The following SOX6 variants were observed in gnomAD, a reference collection of about 807,000 sequenced individuals.
The protein encoded by SOX6 is SRY-box transcription factor 6.
A neutral mutation model predicts 97.8 loss-of-function variants in SOX6; 11 were observed. The observed-to-expected ratio is 0.11, with a 90% CI of 0.07 to 0.19. SOX6 has a LOEUF of 0.19. Ranked by LOEUF, SOX6 falls within the 10% of genes least tolerant of loss-of-function variation. The pLI, the probability that SOX6 is intolerant of heterozygous loss-of-function variation, is 1.00. For missense variants in SOX6, 810 were observed against 1,039.5 expected (o/e 0.78, Z 3.04); for synonymous variants, 360 against 371.4 (o/e 0.97, Z 0.35).
chr11:16,557,926 G>A (rs987028716), intron 4 of SOX6, among the ~76,000 whole-genome samples: 1 of 151,796 alleles, frequency 6.6e-6, no homozygotes, highest in Admixed American at 6.6e-5. Flanking sequence ...TTAATCATAT[G>A]ATTAGCTCAA....
chr11:16,060,795 A>G (rs1372694789), intron 9 of SOX6, among the ~76,000 whole-genome samples: 1 of 151,826 alleles, frequency 6.6e-6, no homozygotes, highest in Admixed American at 6.6e-5. Flanking sequence ...TTAACACTTG[A>G]TCTGCACTTT....
At chr11:16,541,809 A>G (rs149951644) in intron 4 of SOX6, among the ~76,000 whole-genome samples, 34 of 152,340 alleles carry the variant, frequency 2.2e-4, no homozygotes, top group Middle Eastern at 3.4e-3. Context: ...AAAAGTCAGG[A>G]AACAACAGAT....
chr11:16,555,880 C>A (rs999505903), intron 4 of SOX6, among the ~76,000 whole-genome samples: 1 of 151,526 alleles, frequency 6.6e-6, no homozygotes, highest in African/African-American at 2.4e-5. Flanking sequence ...AAGTCTATAT[C>A]CAGATAATTC....
chr11:16,107,205 GA>G (rs1849109967), intron 7 of SOX6, among the ~76,000 whole-genome samples: 2 of 151,756 alleles, frequency 1.3e-5, no homozygotes, highest in Admixed American at 6.6e-5. Context: ...TTTAAACATA[GA>G]ACTTCATATA....
At chr11:16,250,893 A>G (rs1397125338) in intron 3 of SOX6, among the ~76,000 whole-genome samples, 2 of 152,094 alleles carry the variant, frequency 1.3e-5, no homozygotes, top group Admixed American at 6.5e-5. Flanking sequence ...CACATAGAAA[A>G]TGACTCATAT....
intron 4 of SOX6, among the ~76,000 whole-genome samples, chr11:16,586,779 T>C (rs1249007096): frequency 6.6e-6 from 1 of 152,164 alleles, no homozygotes; most frequent in Admixed American, 6.5e-5. Flanking sequence ...ATTACCTAAC[T>C]GGTCCAAAGG....
chr11:16,166,018 C>T (rs929735742), intron 6 of SOX6, among the ~76,000 whole-genome samples: 14 of 151,942 alleles, frequency 9.2e-5, no homozygotes, highest in African/African-American at 3.4e-4. Flanking sequence ...GTATTTGAGC[C>T]CTTCTTAGAA....
At chr11:16,056,538 C>T (rs1847820395) in intron 9 of SOX6, among the ~76,000 whole-genome samples, 1 of 152,114 alleles carries the variant, frequency 6.6e-6, no homozygotes, top group Non-Finnish European at 1.5e-5. Context: ...AGTCAAGCTT[C>T]TCTGAACCCA....
chr11:16,652,845 G>T (rs556634170), intron 3 of SOX6, among the ~76,000 whole-genome samples: 1 of 151,970 alleles, frequency 6.6e-6, no homozygotes, highest in Non-Finnish European at 1.5e-5. Flanking sequence ...AATAGGAGAA[G>T]ATATTCACAA....
At chr11:16,275,036 GA>G (rs1854356367) in intron 3 of SOX6, among the ~76,000 whole-genome samples, 3 of 152,080 alleles carry the variant, frequency 2.0e-5, no homozygotes, top group Admixed American at 6.6e-5. Flanking sequence ...GAAAAGTCTA[GA>G]ATCTAAGTAA....
intron 6 of SOX6, among the ~76,000 whole-genome samples, chr11:16,160,833 C>T (rs1412040210): frequency 6.6e-6 from 1 of 152,172 alleles, no homozygotes; most frequent in Admixed American, 6.5e-5. Context: ...GTTACTAAAA[C>T]ATTTTTGGAA....
At chr11:16,244,770 G>A (rs1853287767) in intron 3 of SOX6, among the ~76,000 whole-genome samples, 1 of 151,618 alleles carries the variant, frequency 6.6e-6, no homozygotes, top group African/African-American at 2.4e-5. Context: ...GTGTGTGTTT[G>A]TGTGTGTGTT....
At chr11:16,214,939 G>A (rs888525754) in intron 4 of SOX6, among the ~76,000 whole-genome samples, 2 of 151,850 alleles carry the variant, frequency 1.3e-5, no homozygotes, top group African/African-American at 4.8e-5. Flanking sequence ...TAGTAGATAC[G>A]GGGTTTTACC....
At chr11:15,989,841 G>A (rs905925869) in intron 13 of SOX6, among the ~76,000 whole-genome samples, 1 of 152,118 alleles carries the variant, frequency 6.6e-6, no homozygotes, top group African/African-American at 2.4e-5. Flanking sequence ...TGCTTTTAAG[G>A]AGCTCACAGT....
chr11:16,735,638 G>C (rs1848385590), intron 2 of SOX6, among the ~76,000 whole-genome samples: 1 of 152,116 alleles, frequency 6.6e-6, no homozygotes, highest in Non-Finnish European at 1.5e-5. Context: ...TCATTCACTA[G>C]CTACATTATT....
chr11:16,539,883 C>A (rs149643682), intron 4 of SOX6, among the ~76,000 whole-genome samples: 1 of 152,132 alleles, frequency 6.6e-6, no homozygotes, highest in Non-Finnish European at 1.5e-5. Context: ...CAAATTCTAC[C>A]AGAGGTACAA....
At chr11:16,581,217 C>A (rs1848029625) in intron 4 of SOX6, among the ~76,000 whole-genome samples, 1 of 151,988 alleles carries the variant, frequency 6.6e-6, no homozygotes, top group African/African-American at 2.4e-5. Context: ...CAATGATAGG[C>A]TGGATAAAGA....
chr11:16,223,614 G>C (rs1222621771), intron 4 of SOX6, among the ~76,000 whole-genome samples: 1 of 152,058 alleles, frequency 6.6e-6, no homozygotes, highest in Non-Finnish European at 1.5e-5. Flanking sequence ...AAAATTGTTT[G>C]TATTCAAAGA....
intron 3 of SOX6, among the ~76,000 whole-genome samples, chr11:16,307,639 C>T (rs988639448): frequency 2.0e-5 from 3 of 152,272 alleles, no homozygotes; most frequent in Admixed American, 6.5e-5. Context: ...AATGGAATCC[C>T]AGTGCACACA....
Sources: gnomAD v4.1 joint callset for allele counts (sites outside exome capture counted in the v4.1 genomes callset) on GRCh38, gnomAD v4.1.1 for gene constraint, MANE v1.5 for transcripts, NCBI Gene and HGNC (gene_info 2026-07-23, HGNC 2026-07-21) for gene names.